Variants in TGFA observed in about 807,000 individuals in gnomAD.
TGFA encodes the protein protransforming growth factor alpha.
A neutral mutation model predicts 21.7 loss-of-function variants in TGFA; 12 were observed. The ratio of observed to expected loss-of-function variants is 0.55; its 90% CI spans 0.35 to 0.90. The LOEUF (loss-of-function observed/expected upper bound fraction) is 0.90. Among genes scored for constraint, TGFA ranks in the 40% least tolerant of loss-of-function variants. TGFA has a pLI of 0.01. For missense variants in TGFA, 178 were observed against 210.8 expected, an observed-to-expected ratio of 0.84 and a Z score of 0.96; for synonymous variants, 79 against 88.1, an observed-to-expected ratio of 0.90 and a Z score of 0.58.
At chr2:70,505,337 C>A (rs1255085237) in intron 2 of TGFA, among the ~76,000 whole-genome samples, 1 of 152,182 alleles carries the variant, frequency 6.6e-6, no homozygotes, top group Non-Finnish European at 1.5e-5. Context: ...ATGGCAACTG[C>A]AATCTGGTTA....
intron 1 of TGFA, among the ~76,000 whole-genome samples, chr2:70,535,043 T>G (rs1331017937): frequency 6.6e-6 from 1 of 151,848 alleles, no homozygotes; most frequent in Non-Finnish European, 1.5e-5. Flanking sequence ...AGTTCAGTTT[T>G]TTTTTTAAAT....
intron 1 of TGFA, among the ~76,000 whole-genome samples, chr2:70,528,565 C>T (rs1356207432): frequency 2.0e-5 from 3 of 152,136 alleles, no homozygotes; most frequent in African/African-American, 7.2e-5. Flanking sequence ...GAAAGGTTGA[C>T]AGGCACACAG....
intron 2 of TGFA, among the ~76,000 whole-genome samples, chr2:70,513,567 C>G (rs1672170743): frequency 6.6e-6 from 1 of 152,176 alleles, no homozygotes; most frequent in Non-Finnish European, 1.5e-5. Context: ...CATGGACCAC[C>G]AAGTGGCTTA....
chr2:70,521,078 G>T (rs1166442865), intron 1 of TGFA, among the ~76,000 whole-genome samples: 1 of 151,160 alleles, frequency 6.6e-6, no homozygotes, highest in African/African-American at 2.5e-5. Context: ...TTGTTAGACT[G>T]GTTTTCTTGC....
At chr2:70,452,674 G>A (rs1670094174) in intron 5 of TGFA, among the ~76,000 whole-genome samples, 1 of 152,172 alleles carries the variant, frequency 6.6e-6, no homozygotes, top group Non-Finnish European at 1.5e-5. Flanking sequence ...GGGCACAGTG[G>A]CTCATGCCTG....
intron 1 of TGFA, among the ~76,000 whole-genome samples, chr2:70,522,544 C>T (rs60168128): frequency 0.054 from 8,294 of 152,196 alleles, 761 homozygotes; most frequent in African/African-American, 0.19. Context: ...AAGCAATTCT[C>T]CTGCCTCAGC....
chr2:70,531,569 G>A (rs1672815108), intron 1 of TGFA, among the ~76,000 whole-genome samples: 1 of 152,234 alleles, frequency 6.6e-6, no homozygotes, highest in Non-Finnish European at 1.5e-5. Context: ...CACTGCGCTT[G>A]TATCACCACC....
intron 1 of TGFA, among the ~76,000 whole-genome samples, chr2:70,528,743 G>C (rs910589147): frequency 1.3e-5 from 2 of 152,206 alleles, no homozygotes; most frequent in African/African-American, 2.4e-5. Flanking sequence ...TCTATTGTCA[G>C]TGAGCTCTGT....
At chr2:70,553,443 G>A in intron 1 of TGFA, 2 of 1,420,540 alleles carry the variant, frequency 1.4e-6, no homozygotes, top group Non-Finnish European at 1.8e-6. Flanking sequence ...AGCTGCGGCG[G>A]ATTAAAGTTC....
intron 3 of TGFA, among the ~76,000 whole-genome samples, chr2:70,463,790 A>G (rs1250183027): frequency 6.6e-6 from 1 of 152,056 alleles, no homozygotes; most frequent in Non-Finnish European, 1.5e-5. Flanking sequence ...AAGAGGGCAA[A>G]CTTCCTTCAG....
chr2:70,472,390 A>G (rs1473020186), intron 2 of TGFA, among the ~76,000 whole-genome samples: 1 of 152,184 alleles, frequency 6.6e-6, no homozygotes, highest in Non-Finnish European at 1.5e-5. Flanking sequence ...CATGAAATTT[A>G]TGAGAGGCCC....
At chr2:70,514,379 A>G (rs1461569992) in intron 2 of TGFA, among the ~76,000 whole-genome samples, 1 of 151,488 alleles carries the variant, frequency 6.6e-6, no homozygotes, top group African/African-American at 2.4e-5. Context: ...GCTCTCCACT[A>G]TTTTGATTTA....
intron 1 of TGFA, among the ~76,000 whole-genome samples, chr2:70,525,115 C>A (rs969530202): frequency 3.3e-5 from 5 of 152,198 alleles, no homozygotes; most frequent in African/African-American, 1.2e-4. Flanking sequence ...AGGGTATGAG[C>A]AGGGAGGAGG....
chr2:70,508,264 G>A (rs1355917904), intron 2 of TGFA, among the ~76,000 whole-genome samples: 1 of 152,180 alleles, frequency 6.6e-6, no homozygotes, highest in Non-Finnish European at 1.5e-5. Context: ...GGCCTACACG[G>A]CGAAACCCTG....
chr2:70,529,593 C>T (rs2103899239), intron 1 of TGFA, among the ~76,000 whole-genome samples: 1 of 151,674 alleles, frequency 6.6e-6, no homozygotes, highest in East Asian at 1.9e-4. Context: ...GTGAATCCCC[C>T]CGCCCCAGTC....
chr2:70,545,178 A>C (rs2103944567), intron 1 of TGFA, among the ~76,000 whole-genome samples: 1 of 152,240 alleles, frequency 6.6e-6, no homozygotes. Context: ...AAAATTGTAA[A>C]AATGTTGGAA....
chr2:70,481,637 G>A (rs1466284715), intron 2 of TGFA, among the ~76,000 whole-genome samples: 4 of 152,194 alleles, frequency 2.6e-5, no homozygotes, highest in Non-Finnish European at 5.9e-5. Flanking sequence ...CTCAGGGCTG[G>A]TCTGTGCGAC....
chr2:70,504,463 T>TATAC (rs1224115401), intron 2 of TGFA, among the ~76,000 whole-genome samples: 993 of 48,218 alleles, frequency 0.021, 6 homozygotes, highest in Middle Eastern at 0.04. Context: ...TATATATATA[T>TATAC]ACACACATAC....
intron 2 of TGFA, among the ~76,000 whole-genome samples, chr2:70,505,604 C>G (rs1671898402): frequency 1.3e-5 from 2 of 151,926 alleles, no homozygotes. Context: ...TCATTAAATC[C>G]AAGCCCCCAA....
Sources: allele counts gnomAD v4.1 joint callset (sites outside exome capture counted in the v4.1 genomes callset), GRCh38; gene constraint gnomAD v4.1.1; transcripts MANE v1.5; gene names NCBI Gene and HGNC (gene_info 2026-07-23, HGNC 2026-07-21).